The following MPI variants were observed in gnomAD, a reference collection of about 807,000 sequenced individuals.
The protein encoded by MPI is mannose phosphate isomerase.
A neutral mutation model predicts 40.1 loss-of-function variants in MPI; 33 were observed. The observed-to-expected ratio is 0.82, with a 90% CI of 0.62 to 1.10. MPI has a LOEUF of 1.10. MPI is among the 50% of genes least tolerant of loss of function. The pLI is 0.00. For missense variants in MPI, 514 were observed against 524.1 expected (o/e 0.98, Z 0.19); for synonymous variants, 187 against 207.4 (o/e 0.90, Z 0.85).
chr15:74,891,773 C>T (rs966658736), intron 3 of MPI, among the ~76,000 whole-genome samples, 194 bp downstream of exon 3: 1 of 152,224 alleles, frequency 6.6e-6, no homozygotes, highest in South Asian at 2.1e-4. Flanking sequence ...TCTAAGCAAA[C>T]AGCTCACCGG....
chr15:74,891,414 G>T lies in MPI; in HGVS notation c.180G>T (p.Lys60Asn). The T allele has an allele frequency of 6.2e-7, 1 of 1,614,220 alleles. No homozygotes were observed. Among genetic ancestry groups the T allele is most frequent in the Non-Finnish European group, 8.5e-7 (1 of 1,180,046 alleles). Residue 60 changes from lysine (K) to asparagine (N), a missense_variant, in exon 3 of 8, where the codon AAG (lysine) becomes AAT (asparagine). Physicochemically the swap from Lys to Asn is moderately conservative, Grantham distance 94. Transcript: ENST00000352410. ...GGACTCACCCCCGAGGGGATGCCAA[G>T]ATCCTTGACAACCGCATCTCACAGA... ...WMGTHPRGDA[K>N]ILDNRISQKT...
chr15:74,890,430 G>A, intron 1 of MPI, 97 bp from the exon 2 acceptor site: 1 of 1,532,680 alleles, frequency 6.5e-7, no homozygotes, highest in Non-Finnish European at 9.0e-7. Flanking sequence ...ATTTGACTCT[G>A]TCCCCAGTGA....
chr15:74,892,637 CCTCTT>C lies in MPI; in HGVS notation c.346-22_346-18del. The stretch of plus-strand genomic sequence containing the variant: ...GTAATGGCTGTACCCTCACCATCCT[CCTCTT>C]CCCCTGGCCACCCCACAGGAGCTGG... On this transcript the variant is annotated intron_variant, in intron 3 of 7. Coordinates refer to ENST00000352410, the MANE Select transcript of MPI (RefSeq NM_002435.3). 6.2e-7 allele frequency: 1 copy of C among 1,613,784 alleles called. No homozygotes were observed.
chr15:74,892,130 A>G (rs1192168378), intron 3 of MPI, among the ~76,000 whole-genome samples: 2 of 152,046 alleles, frequency 1.3e-5, no homozygotes, highest in Non-Finnish European at 2.9e-5. Context: ...AATAGCTGGG[A>G]CTACAGGCAC....
rs1595824341 is a variant in MPI, at chr15:74,897,418, G to C, written c.1054-94G>C. ...GCCTGGGTTGTGCGAGAAGGTGGCA[G>C]AGCTCTCCCTCGTGCCCTGGGGACT... On this transcript the variant is annotated intron_variant, in intron 7 of 7. Coordinates refer to ENST00000352410, the MANE Select transcript of MPI (RefSeq NM_002435.3). 3.6e-6 allele frequency: 5 copies of C among 1,379,956 alleles called. No homozygotes were observed. The African/African-American group carries it at 4.3e-5, about 12-fold the overall frequency. The allele number at this position is 1,379,956 out of a possible 1,614,324, so 85.5% of individuals were successfully genotyped here. A position where few individuals can be genotyped will look rare whatever the true frequency, so the allele number is the denominator to read the frequency against.
rs371168967 is a variant in MPI at position 74,890,468 on chromosome 15, G to A, written c.17-59G>A. ...ACCCCCAGCTCTTGCCTGGTTTCCC[G>A]GGACACTAGGGTGGGGCCTGAGGAG... On this transcript the variant is annotated intron_variant, in intron 1 of 7. Transcript: ENST00000352410. The A allele has an allele frequency of 2.6e-5, 42 of 1,612,040 alleles. No individual in the cohort carries two copies. The Middle Eastern group carries it at 7.3e-4, about 28-fold the overall frequency.
Position 74,890,594 on chromosome 15 carries a change from G to C in MPI, c.84G>C (p.Ala28=). The change falls in exon 2 of 8, where the codon GCG becomes GCC. Residue 28 remains alanine, a synonymous_variant. Coordinates refer to ENST00000352410, the MANE Select transcript of MPI (RefSeq NM_002435.3). ...WGKMGSNSEV[A]RLLASSDPLA... is the part of the protein sequence containing the mutation. ...AGATGGGTTCCAACAGCGAAGTGGC[G>C]CGGCTGTTGGCCAGCAGTGATCCAC... is the stretch of plus-strand genomic sequence containing the variant. 6.2e-7 allele frequency: 1 copy of C among 1,614,122 alleles called. No individual in the cohort carries two copies. The highest frequency in any genetic ancestry group is 8.5e-7 in the Non-Finnish European group (1 of 1,180,012).
chr15:74,893,706 T>G, intron 5 of MPI: 1 of 550,546 alleles, frequency 1.8e-6, no homozygotes. Flanking sequence ...AAAGGACTGA[T>G]GCCTCCAGCA....
rs995939840 is a variant in MPI at position 74,892,663 on chromosome 15, G to A, written c.348G>A (p.Glu116=). The part of the protein sequence containing the change: ...PLSIQAHPNK[E]LAEKLHLQAP... Reference sequence around the variant, plus strand: ...CTCTTCCCCTGGCCACCCCACAGGAGCTGGCAGAGAAGCTGCACCTCCAGG... The same window carrying A: ...CTCTTCCCCTGGCCACCCCACAGGAACTGGCAGAGAAGCTGCACCTCCAGG... Residue 116 remains glutamate (E), a splice_region_variant and synonymous_variant, in exon 4 of 8, where the codon GAG becomes GAA. Transcript: ENST00000352410. 1 of 1,614,148 alleles carries A rather than the reference G, an allele frequency of 6.2e-7. No homozygotes were observed. The highest frequency in any genetic ancestry group is 8.5e-7 in the Non-Finnish European group (1 of 1,180,036).
rs74705530 is a variant in MPI at position 74,896,768 on chromosome 15, G to C, written c.845-243G>C. Reference sequence around the variant, plus strand: ...TGCACAGGATTCTGGGGTAGAAGTGGGAGACTACAGAGTTGGGGCTCCCCA... The same window carrying C: ...TGCACAGGATTCTGGGGTAGAAGTGCGAGACTACAGAGTTGGGGCTCCCCA... On this transcript the variant is annotated intron_variant, in intron 6 of 7. Coordinates refer to ENST00000352410, the MANE Select transcript of MPI (RefSeq NM_002435.3). The C allele has an allele frequency of 7.4e-4, 462 of 622,704 alleles. 3 individuals are homozygous for C. In the East Asian group the frequency reaches 0.012, roughly 16 times the overall value. 38.6% of individuals were successfully genotyped at this position (622,704 alleles called of 1,614,324 possible).
intron 1 of MPI, 192 bp downstream of exon 1, chr15:74,890,281 G>A (rs192295788): frequency 1.1e-6 from 1 of 917,978 alleles, no homozygotes; most frequent in Non-Finnish European, 1.7e-6. Flanking sequence ...ACGTCGTGCC[G>A]TGGGATAGGT....
At position 74,897,783 on chromosome 15, in the gene MPI, C is replaced by G; in HGVS notation, c.*53C>G. On this transcript the variant is annotated 3_prime_UTR_variant, in exon 8 of 8. Coordinates refer to ENST00000352410, the MANE Select transcript of MPI (RefSeq NM_002435.3). ...GCCAGCCACCCTAAATTCCAGCCAA[C>G]CTCACCTCCTCGGGCCCAGCTCAAG... 6.4e-7 allele frequency: 1 copy of G among 1,557,510 alleles called. No individual in the cohort carries two copies. The highest frequency in any genetic ancestry group is 8.8e-7 in the Non-Finnish European group (1 of 1,131,378).
At position 74,897,037 on chromosome 15, in the gene MPI, G is replaced by C. The variant is rs1312289762; in HGVS notation, c.871G>C (p.Asp291His). 6.2e-7 allele frequency: 1 copy of C among 1,614,174 alleles called. No individual in the cohort carries two copies. Among genetic ancestry groups the C allele is most frequent in the South Asian group, 1.1e-5 (1 of 91,090 alleles). ...GDCVECMACS[D>H]NTVRAGLTPK... is the part of the protein sequence containing the mutation. ...CTGCGTGGAGTGCATGGCGTGTTCA[G>C]ACAACACAGTTCGTGCTGGCCTGAC... Residue 291 changes from aspartate (D) to histidine (H), a missense_variant, in exon 7 of 8, where the codon GAC (aspartate) becomes CAC (histidine). Coordinates refer to ENST00000352410, the MANE Select transcript of MPI (RefSeq NM_002435.3).
rs568299790 is a variant in MPI, at chr15:74,898,140, C to T, written c.*410C>T. The T allele has an allele frequency of 5.7e-6, 2 of 350,552 alleles. No homozygotes were observed. The highest frequency in any genetic ancestry group is 7.6e-5 in the Admixed American group (2 of 26,386). 21.7% of individuals were successfully genotyped at this position (350,552 alleles called of 1,614,324 possible). A position where few individuals can be genotyped will look rare whatever the true frequency, so the allele number is the denominator to read the frequency against. ...ATGGGACTGCCCATTTCCTCAGCTG[C>T]AGAGGAGGAAAGGGAAAGGGTAGGC... On this transcript the variant is annotated 3_prime_UTR_variant, in exon 8 of 8. Transcript: ENST00000352410.
intron 3 of MPI, among the ~76,000 whole-genome samples, chr15:74,892,291 C>T (rs1054286237): frequency 6.6e-6 from 1 of 152,150 alleles, no homozygotes; most frequent in African/African-American, 2.4e-5. Context: ...CATGCCCAGC[C>T]AAAACTCCTT....
At chr15:74,894,024 T>A (rs2141201791) in intron 5 of MPI, among the ~76,000 whole-genome samples, 1 of 143,060 alleles carries the variant, frequency 7.0e-6, no homozygotes, top group Non-Finnish European at 1.6e-5. Flanking sequence ...GACCCAAGCA[T>A]ATTTTTTTCT....
chr15:74,898,173 C>A lies in MPI; in HGVS notation c.*443C>A. The A allele has an allele frequency of 3.0e-6, 1 of 328,950 alleles. No individual in the cohort carries two copies. Among genetic ancestry groups the A allele is most frequent in the South Asian group, 2.6e-5 (1 of 38,374 alleles). 20.4% of individuals were successfully genotyped at this position (328,950 alleles called of 1,614,324 possible). A position where few individuals can be genotyped will look rare whatever the true frequency, so the allele number is the denominator to read the frequency against. ...GAAAGGGAAAGGGTAGGCCTGTAGA[C>A]TAACGCTGTTTACACCCTTGTTCTG... On this transcript the variant is annotated 3_prime_UTR_variant, in exon 8 of 8. Transcript: ENST00000352410.
intron 5 of MPI, among the ~76,000 whole-genome samples, chr15:74,894,108 G>GTGTGTGGT (rs71140108): frequency 4.4e-5 from 1 of 22,584 alleles, no homozygotes; most frequent in Non-Finnish European, 9.0e-5. Flanking sequence ...GTGTGTGTGT[G>GTGTGTGGT]GTCTCTTTCT....
Position 74,891,395 on chromosome 15 carries a change from AC to A in MPI, c.166del (p.Arg56GlufsTer16). ...TCTTTCCAGTTGTGGATGGGGACTC[AC>A]CCCCGAGGGGATGCCAAGATCCTTG... ...KPYAELWMGT[H>X]PRGDAKILDN... On this transcript the variant is annotated frameshift_variant, in exon 3 of 8. Coordinates refer to ENST00000352410, the MANE Select transcript of MPI (RefSeq NM_002435.3). LOFTEE classifies it high-confidence loss of function. 1 of 1,613,850 alleles carries A rather than the reference AC, an allele frequency of 6.2e-7. No individual in the cohort carries two copies. Among genetic ancestry groups the A allele is most frequent in the Non-Finnish European group, 8.5e-7 (1 of 1,179,978 alleles).
Sources: gnomAD v4.1 joint callset for allele counts (sites outside exome capture counted in the v4.1 genomes callset) on GRCh38, gnomAD v4.1.1 for gene constraint, MANE v1.5 for transcripts, NCBI Gene and HGNC (gene_info 2026-07-23, HGNC 2026-07-21) for gene names.